Variants in MEGF10 observed in about 807,000 individuals in gnomAD.
MEGF10 encodes multiple EGF like domains 10, also known as multiple epidermal growth factor-like domains protein 10.
A neutral mutation model predicts 147.5 loss-of-function variants in MEGF10; 86 were observed. The ratio of observed to expected loss-of-function variants is 0.58; its 90% CI spans 0.49 to 0.70. The LOEUF is 0.70. Ranked by LOEUF, MEGF10 falls within the 30% of genes least tolerant of loss-of-function variation. The pLI, the probability that MEGF10 is intolerant of heterozygous loss-of-function variation, is 0.00. For synonymous variants in MEGF10, 478 were observed against 525.5 expected, an observed-to-expected ratio of 0.91 and a Z score of 1.24; for missense variants, 1,329 against 1,487.3, an observed-to-expected ratio of 0.89 and a Z score of 1.75.
At chr5:127,354,580 C>T (rs778862412) in intron 4 of MEGF10, among the ~76,000 whole-genome samples, 8 of 152,024 alleles carry the variant, frequency 5.3e-5, no homozygotes, top group Admixed American at 2.0e-4. Context: ...GTGGGTGGCC[C>T]GAGTGCGCCT....
intron 13 of MEGF10, among the ~76,000 whole-genome samples, chr5:127,423,087 A>G (rs1375996821): frequency 6.6e-6 from 1 of 152,232 alleles, no homozygotes; most frequent in African/African-American, 2.4e-5. Flanking sequence ...TGAAGAAAGA[A>G]TGATTGAAAT....
intron 22 of MEGF10, among the ~76,000 whole-genome samples, chr5:127,451,965 G>A (rs1237678907): frequency 2.0e-5 from 3 of 152,144 alleles, no homozygotes; most frequent in Non-Finnish European, 4.4e-5. Flanking sequence ...ATAGCACTGG[G>A]CCAGTCACTT....
chr5:127,286,004 G>C (rs1759018691), upstream of MEGF10, among the ~76,000 whole-genome samples: 3 of 152,108 alleles, frequency 2.0e-5, no homozygotes, highest in Admixed American at 2.0e-4. Context: ...CGTGTTATTT[G>C]CAGCAACATG....
At chr5:127,390,108 A>G (rs1386561385) in intron 5 of MEGF10, among the ~76,000 whole-genome samples, 2 of 152,170 alleles carry the variant, frequency 1.3e-5, no homozygotes, top group Non-Finnish European at 2.9e-5. Flanking sequence ...CATAATCTCA[A>G]GACCCAGAGA....
chr5:127,339,051 T>TAAATACATAG, intron 2 of MEGF10, 69 bp from the exon 3 acceptor site: 2 of 946,508 alleles, frequency 2.1e-6, no homozygotes, highest in Non-Finnish European at 3.1e-6. Context: ...TACAAACTTT[T>TAAATACATAG]AAATACATAG....
At chr5:127,305,031 T>A (rs1759950140) in intron 1 of MEGF10, among the ~76,000 whole-genome samples, 1 of 152,176 alleles carries the variant, frequency 6.6e-6, no homozygotes, top group South Asian at 2.1e-4. Flanking sequence ...AATTTCAAGA[T>A]TATTCAGAAT....
the MEGF10 span, among the ~76,000 whole-genome samples, chr5:127,232,233 T>A: frequency 6.6e-6 from 1 of 152,242 alleles, no homozygotes; most frequent in Non-Finnish European, 1.5e-5. Flanking sequence ...TTCTTGCTAT[T>A]TTATCTTATT....
the MEGF10 span, among the ~76,000 whole-genome samples, chr5:127,234,140 T>C: frequency 3.3e-5 from 5 of 152,210 alleles, no homozygotes; most frequent in Non-Finnish European, 7.3e-5. Flanking sequence ...CGCTCAGTAA[T>C]CCTTACCATG....
upstream of MEGF10, among the ~76,000 whole-genome samples, chr5:127,290,443 A>T (rs1467162145): frequency 6.6e-6 from 1 of 151,962 alleles, no homozygotes; most frequent in Non-Finnish European, 1.5e-5. Context: ...CCTCCCAGGG[A>T]CTCTGCCGAG....
intron 4 of MEGF10, among the ~76,000 whole-genome samples, chr5:127,349,347 G>T (rs889318001): frequency 6.6e-6 from 1 of 151,776 alleles, no homozygotes; most frequent in Admixed American, 6.6e-5. Flanking sequence ...ATTTTTATAC[G>T]GTAAAAACAC....
the MEGF10 span, among the ~76,000 whole-genome samples, chr5:127,231,524 A>G: frequency 6.6e-6 from 1 of 152,256 alleles, no homozygotes; most frequent in East Asian, 1.9e-4. Flanking sequence ...AAATTACTCT[A>G]TCACATCAAC....
At chr5:127,361,095 T>G (rs1762455966) in intron 4 of MEGF10, among the ~76,000 whole-genome samples, 1 of 151,976 alleles carries the variant, frequency 6.6e-6, no homozygotes, top group Non-Finnish European at 1.5e-5. Context: ...TTCAATTTTC[T>G]GGAATAAGTT....
At chr5:127,331,043 G>C (rs113022041) in intron 1 of MEGF10, among the ~76,000 whole-genome samples, 1 of 152,158 alleles carries the variant, frequency 6.6e-6, no homozygotes. Context: ...AAGGGCTTTT[G>C]TTCTTGTGGC....
intron 9 of MEGF10, among the ~76,000 whole-genome samples, chr5:127,414,828 A>G (rs975944769): frequency 1.3e-5 from 2 of 152,216 alleles, no homozygotes; most frequent in Admixed American, 6.5e-5. Context: ...GAAAGAAGAC[A>G]TTAAAGGACT....
intron 4 of MEGF10, among the ~76,000 whole-genome samples, chr5:127,357,612 T>C (rs1276519306): frequency 1.4e-5 from 2 of 143,030 alleles, no homozygotes; most frequent in Non-Finnish European, 3.1e-5. Context: ...AATAAATAAA[T>C]AAATAAATAA....
At chr5:127,450,781 CAG>C (rs1766127328) in intron 22 of MEGF10, among the ~76,000 whole-genome samples, 1 of 151,926 alleles carries the variant, frequency 6.6e-6, no homozygotes, top group African/African-American at 2.4e-5. Context: ...GTTTTTGAGA[CAG>C]AGTCTCGCTC....
chr5:127,360,240 A>G (rs970825280), intron 4 of MEGF10, among the ~76,000 whole-genome samples: 13 of 151,826 alleles, frequency 8.6e-5, no homozygotes, highest in African/African-American at 2.9e-4. Context: ...GTCCTTAAGT[A>G]TTTCATATTT....
At chr5:127,317,521 T>C (rs1474198946) in intron 1 of MEGF10, among the ~76,000 whole-genome samples, 1 of 152,184 alleles carries the variant, frequency 6.6e-6, no homozygotes, top group Non-Finnish European at 1.5e-5. Flanking sequence ...AGTTTCAGCT[T>C]TCTACATAGA....
chr5:127,427,463 G>T lies in MEGF10; in HGVS notation c.1693+4691G>T, dbSNP rs184301412. Among the ~76,000 whole-genome samples the T allele has an allele frequency of 2.3e-3, 352 of 152,170 alleles. 3 individuals carry two copies. Among genetic ancestry groups the T allele is most frequent in the Middle Eastern group, 0.01 (3 of 294 alleles). On this transcript the variant is annotated intron_variant, in intron 13 of 24. Transcript: ENST00000503335. ...GGCATGGTATAATTGTAAGGGGAGG[G>T]GTAGGAGAATAAGAGGAGAGGTTGG... is the stretch of plus-strand genomic sequence containing the variant.
Sources: gnomAD v4.1 joint callset for allele counts (sites outside exome capture counted in the v4.1 genomes callset) on GRCh38, gnomAD v4.1.1 for gene constraint, MANE v1.5 for transcripts, NCBI Gene and HGNC (gene_info 2026-07-23, HGNC 2026-07-21) for gene names.